Variants in EEPD1 observed in about 807,000 individuals in gnomAD.
The protein encoded by EEPD1 is endonuclease/exonuclease/phosphatase family domain containing 1.
EEPD1 carries 17 observed loss-of-function variants against 46.3 expected under a neutral mutation model. The ratio of observed to expected loss-of-function variants is 0.37; its 90% CI spans 0.25 to 0.55. EEPD1 has a LOEUF of 0.55. EEPD1 is among the 20% of genes least tolerant of loss of function. The pLI is 0.83. For missense variants in EEPD1, 673 were observed against 745.6 expected (o/e 0.90, Z 1.13); for synonymous variants, 313 against 315.6 (o/e 0.99, Z 0.09).
chr7:36,221,587 A>G (rs971489258), intron 2 of EEPD1, among the ~76,000 whole-genome samples: 1 of 152,244 alleles, frequency 6.6e-6, no homozygotes, highest in East Asian at 1.9e-4. Context: ...CCACCGTAAC[A>G]GGAACATTTT....
intron 2 of EEPD1, among the ~76,000 whole-genome samples, chr7:36,234,531 G>A (rs958199492): frequency 1.1e-4 from 17 of 152,072 alleles, no homozygotes; most frequent in African/African-American, 3.4e-4. Flanking sequence ...AATTAGCCTG[G>A]TGTGGTGGCG....
intron 7 of EEPD1, among the ~76,000 whole-genome samples, 166 bp downstream of exon 7, chr7:36,297,353 C>T (rs1787544195): frequency 6.6e-6 from 1 of 152,190 alleles, no homozygotes; most frequent in African/African-American, 2.4e-5. Flanking sequence ...GAATCCAGGC[C>T]CCTGTCAGTC....
chr7:36,279,825 C>T (rs115341551), intron 3 of EEPD1, among the ~76,000 whole-genome samples: 284 of 152,330 alleles, frequency 1.9e-3, no homozygotes, highest in African/African-American at 6.5e-3. Context: ...GGTCCCTAGA[C>T]CACACTTTGA....
At chr7:36,241,500 C>T (rs539033462) in intron 3 of EEPD1, among the ~76,000 whole-genome samples, 9 of 150,734 alleles carry the variant, frequency 6.0e-5, no homozygotes, top group African/African-American at 2.2e-4. Flanking sequence ...AAATAAATAA[C>T]CATCAGACAA....
intron 6 of EEPD1, among the ~76,000 whole-genome samples, chr7:36,295,455 A>G (rs1787508149): frequency 6.6e-6 from 1 of 152,242 alleles, no homozygotes; most frequent in Admixed American, 6.5e-5. Flanking sequence ...GAAAAAATTA[A>G]TAAATGGGAA....
chr7:36,245,389 C>T (rs936546874), intron 3 of EEPD1, among the ~76,000 whole-genome samples: 8 of 152,246 alleles, frequency 5.3e-5, no homozygotes, highest in African/African-American at 1.9e-4. Flanking sequence ...CCCTACTTAC[C>T]ATCAAATCAC....
chr7:36,233,819 C>T (rs565372943), intron 2 of EEPD1, among the ~76,000 whole-genome samples: 1 of 152,292 alleles, frequency 6.6e-6, no homozygotes, highest in East Asian at 1.9e-4. Context: ...CAAAAGCCAA[C>T]GGGGTTGGAG....
chr7:36,280,770 G>A lies in EEPD1; in HGVS notation c.931-345G>A, dbSNP rs1358523132. Among the ~76,000 whole-genome samples the A allele has an allele frequency of 4.7e-4, 72 of 152,106 alleles. 1 individual carries two copies. The highest frequency in any genetic ancestry group is 4.7e-3 in the Admixed American group (71 of 15,266). ...TTTGACGCTGATCCAGATCCTCCTG[G>A]GACCTTCAATCCGCTGCTTTTACAA... On this transcript the variant is annotated intron_variant, in intron 3 of 7. Coordinates refer to ENST00000242108, the MANE Select transcript of EEPD1 (RefSeq NM_030636.3).
intron 1 of EEPD1, among the ~76,000 whole-genome samples, 198 bp downstream of exon 1, chr7:36,153,872 A>G (rs1784766414): frequency 6.6e-6 from 1 of 152,114 alleles, no homozygotes; most frequent in Non-Finnish European, 1.5e-5. Context: ...AGAGGCCTGG[A>G]GGAGAGGCAT....
chr7:36,172,753 C>T (rs1259264964), intron 2 of EEPD1, among the ~76,000 whole-genome samples: 4 of 151,648 alleles, frequency 2.6e-5, no homozygotes, highest in African/African-American at 9.7e-5. Flanking sequence ...TTATAATAAG[C>T]CAATAAACCT....
intron 2 of EEPD1, among the ~76,000 whole-genome samples, chr7:36,194,961 A>G (rs1306088819): frequency 6.6e-6 from 1 of 152,226 alleles, no homozygotes; most frequent in East Asian, 1.9e-4. Flanking sequence ...TCTCTTTGCA[A>G]CTGCGAAATC....
At chr7:36,234,554 C>G (rs1786395526) in intron 2 of EEPD1, among the ~76,000 whole-genome samples, 1 of 151,846 alleles carries the variant, frequency 6.6e-6, no homozygotes, top group Admixed American at 6.6e-5. Flanking sequence ...CGCCTGCAGT[C>G]CGAGCTGCTT....
At chr7:36,192,478 A>G (rs1472990099) in intron 2 of EEPD1, among the ~76,000 whole-genome samples, 1 of 151,150 alleles carries the variant, frequency 6.6e-6, no homozygotes, top group Non-Finnish European at 1.5e-5. Flanking sequence ...GACACTGTCT[A>G]TTTTTGTGTG....
intron 2 of EEPD1, among the ~76,000 whole-genome samples, chr7:36,204,285 C>G (rs1204538581): frequency 6.6e-6 from 1 of 152,120 alleles, no homozygotes; most frequent in Non-Finnish European, 1.5e-5. Context: ...ATCCTCCCAC[C>G]TCAGCGTCCC....
chr7:36,238,502 C>T lies in EEPD1; in HGVS notation c.879-483C>T, dbSNP rs62445446. On this transcript the variant is annotated intron_variant, in intron 2 of 7. Transcript: ENST00000242108. ...ATAAGTGGGATCGTATAGTATTTGT[C>T]TTTTGTGACTGGCTTACCTCATTTA... is the stretch of plus-strand genomic sequence containing the variant. 5.4e-3 allele frequency among the ~76,000 whole-genome samples: 820 copies of T among 152,306 alleles called. 8 individuals carry two copies. The highest frequency in any genetic ancestry group is 8.4e-3 in the Non-Finnish European group (574 of 68,020).
At chr7:36,275,534 C>A (rs1298126508) in intron 3 of EEPD1, among the ~76,000 whole-genome samples, 1 of 152,170 alleles carries the variant, frequency 6.6e-6, no homozygotes, top group African/African-American at 2.4e-5. Flanking sequence ...GCAACCTCCA[C>A]CTCCCAGGTT....
At chr7:36,231,285 T>G (rs1562695095) in intron 2 of EEPD1, among the ~76,000 whole-genome samples, 1 of 152,152 alleles carries the variant, frequency 6.6e-6, no homozygotes, top group Non-Finnish European at 1.5e-5. Flanking sequence ...GCACGCATTC[T>G]AGGTCTTTCT....
At chr7:36,186,253 T>C (rs143043584) in intron 2 of EEPD1, among the ~76,000 whole-genome samples, 1 of 152,272 alleles carries the variant, frequency 6.6e-6, no homozygotes, top group African/African-American at 2.4e-5. Context: ...CCCTTCCTTC[T>C]GCCTTTCTCG....
chr7:36,180,849 C>A (rs1785259455), intron 2 of EEPD1, among the ~76,000 whole-genome samples: 1 of 151,810 alleles, frequency 6.6e-6, no homozygotes, highest in Non-Finnish European at 1.5e-5. Context: ...CAGGCTCAGG[C>A]CCCCCACCCC....
Sources: gnomAD v4.1 joint callset for allele counts (sites outside exome capture counted in the v4.1 genomes callset) on GRCh38, gnomAD v4.1.1 for gene constraint, MANE v1.5 for transcripts, NCBI Gene and HGNC (gene_info 2026-07-23, HGNC 2026-07-21) for gene names.